TCF4: variants seen among roughly 807,000 people sequenced by gnomAD.
TCF4 encodes the protein transcription factor 4.
In TCF4, 3 loss-of-function variants were observed where a neutral mutation model predicts 82.1. The ratio of observed to expected loss-of-function variants is 0.04; its 90% CI spans 0.02 to 0.09. TCF4 has a LOEUF of 0.09. TCF4 is among the 10% of genes least tolerant of loss of function. The pLI, the probability that TCF4 is intolerant of heterozygous loss-of-function variation, is 1.00. For missense variants in TCF4, 518 were observed against 852.7 expected (o/e 0.61, Z 4.89); for synonymous variants, 276 against 309.6 (o/e 0.89, Z 1.14).
chr18:55,528,447 T>C (rs1376005153), intron 3 of TCF4, among the ~76,000 whole-genome samples: 4 of 152,252 alleles, frequency 2.6e-5, no homozygotes, highest in East Asian at 1.9e-4. Flanking sequence ...TACCTGGAAA[T>C]ACTCTTTAAC....
At chr18:55,365,966 TTATAGATATAGA>T (rs56944219) in intron 6 of TCF4, among the ~76,000 whole-genome samples, 21,063 of 145,090 alleles carry the variant, frequency 0.15, 1,558 homozygotes, top group Non-Finnish European at 0.16. Context: ...CTAAAATTGT[TTATAGATATAGA>T]TATAGATATA....
At chr18:55,562,435 G>A (rs2097363219) in intron 3 of TCF4, among the ~76,000 whole-genome samples, 1 of 152,190 alleles carries the variant, frequency 6.6e-6, no homozygotes, top group African/African-American at 2.4e-5. Context: ...CCACGGAAAT[G>A]TATATTTGAA....
intron 6 of TCF4, among the ~76,000 whole-genome samples, chr18:55,402,391 T>A (rs927324260): frequency 6.6e-6 from 1 of 152,164 alleles, no homozygotes; most frequent in Admixed American, 6.5e-5. Flanking sequence ...AGGGGTATAT[T>A]AAATGGGCTG....
At chr18:55,425,695 C>T (rs975163980) in intron 5 of TCF4, among the ~76,000 whole-genome samples, 1 of 152,168 alleles carries the variant, frequency 6.6e-6, no homozygotes, top group African/African-American at 2.4e-5. Context: ...GTACGTTGGG[C>T]TCTTTCAAAT....
chr18:55,448,362 AC>A (rs536108203), intron 5 of TCF4, among the ~76,000 whole-genome samples: 260 of 152,336 alleles, frequency 1.7e-3, no homozygotes, highest in African/African-American at 6.0e-3. Context: ...TTACAAGCCT[AC>A]ACCAATTATT....
intron 5 of TCF4, among the ~76,000 whole-genome samples, chr18:55,410,307 C>A (rs1465509200): frequency 4.6e-5 from 7 of 151,830 alleles, no homozygotes; most frequent in South Asian, 2.1e-4. Context: ...TCACTGATTC[C>A]CCTCATCTCA....
intron 3 of TCF4, among the ~76,000 whole-genome samples, chr18:55,528,159 C>G (rs2097013807): frequency 6.6e-6 from 1 of 152,182 alleles, no homozygotes; most frequent in African/African-American, 2.4e-5. Flanking sequence ...ACTGCAACTT[C>G]AAGAGCACAG....
intron 15 of TCF4, among the ~76,000 whole-genome samples, chr18:55,245,996 C>A (rs891371215): frequency 6.6e-6 from 1 of 152,148 alleles, no homozygotes; most frequent in Non-Finnish European, 1.5e-5. Context: ...ACTTTTCCCT[C>A]CAGAAAATCT....
At chr18:55,257,810 T>A (rs2057208778) in intron 13 of TCF4, among the ~76,000 whole-genome samples, 1 of 152,190 alleles carries the variant, frequency 6.6e-6, no homozygotes, top group Non-Finnish European at 1.5e-5. Context: ...CACTTGTTTT[T>A]AAAACAATCT....
At chr18:55,292,085 G>A (rs2065232061) in intron 8 of TCF4, among the ~76,000 whole-genome samples, 1 of 152,056 alleles carries the variant, frequency 6.6e-6, no homozygotes, top group Non-Finnish European at 1.5e-5. Context: ...CACGACTTCA[G>A]GCATATTTAA....
chr18:55,554,438 G>C (rs1364927653), intron 3 of TCF4, among the ~76,000 whole-genome samples: 1 of 151,834 alleles, frequency 6.6e-6, no homozygotes, highest in African/African-American at 2.4e-5. Flanking sequence ...TTCTTCTCTG[G>C]TTTACAGTGA....
intron 8 of TCF4, among the ~76,000 whole-genome samples, chr18:55,339,702 T>C (rs1475257361): frequency 2.0e-5 from 3 of 152,222 alleles, no homozygotes; most frequent in South Asian, 2.1e-4. Context: ...TTTCAGCAGA[T>C]GTTTTTTTCT....
chr18:55,387,148 C>T (rs551292307), intron 6 of TCF4, among the ~76,000 whole-genome samples: 1 of 152,354 alleles, frequency 6.6e-6, no homozygotes, highest in Admixed American at 6.5e-5. Flanking sequence ...CCACTTATGG[C>T]TCCAAAGTTT....
intron 1 of TCF4, among the ~76,000 whole-genome samples, chr18:55,632,538 C>A (rs765624896): frequency 3.3e-5 from 5 of 152,082 alleles, no homozygotes; most frequent in Non-Finnish European, 5.9e-5. Flanking sequence ...AAAGCAAACC[C>A]AGGTTTAGGC....
At chr18:55,538,892 C>A (rs117316028) in intron 3 of TCF4, among the ~76,000 whole-genome samples, 2 of 152,000 alleles carry the variant, frequency 1.3e-5, no homozygotes, top group African/African-American at 4.8e-5. Context: ...GAGTCCATTT[C>A]GTATTTAATA....
At chr18:55,519,021 T>C (rs935171086) in intron 3 of TCF4, 33 of 152,296 alleles carry the variant, frequency 2.2e-4, no homozygotes, top group African/African-American at 7.2e-4. Context: ...TGCTCTTCAA[T>C]AGTCTTCAGC....
chr18:55,571,005 TA>T (rs749649843), intron 3 of TCF4, among the ~76,000 whole-genome samples: 1 of 152,098 alleles, frequency 6.6e-6, no homozygotes, highest in Non-Finnish European at 1.5e-5. Context: ...TAAGAATCTT[TA>T]AAAAACAACT....
chr18:55,386,464 A>G (rs2092614113), intron 6 of TCF4, among the ~76,000 whole-genome samples: 1 of 152,218 alleles, frequency 6.6e-6, no homozygotes, highest in South Asian at 2.1e-4. Context: ...CAAGGAGCAC[A>G]ATCATAATTT....
At chr18:55,247,210 C>A (rs1203905839) in intron 15 of TCF4, among the ~76,000 whole-genome samples, 2 of 152,196 alleles carry the variant, frequency 1.3e-5, no homozygotes, top group Non-Finnish European at 2.9e-5. Context: ...AGCCTCATGG[C>A]CTTCTGGTCA....
Sources: gnomAD v4.1 joint callset for allele counts (sites outside exome capture counted in the v4.1 genomes callset) on GRCh38, gnomAD v4.1.1 for gene constraint, MANE v1.5 for transcripts, NCBI Gene and HGNC (gene_info 2026-07-23, HGNC 2026-07-21) for gene names.